SPATA7: variants seen among roughly 807,000 people sequenced by gnomAD.
SPATA7 encodes spermatogenesis-associated protein 7.
Under a neutral mutation model 51.8 loss-of-function variants are expected in SPATA7, and 43 were observed. The ratio of observed to expected loss-of-function variants is 0.83; its 90% CI spans 0.65 to 1.07. The LOEUF (loss-of-function observed/expected upper bound fraction) is 1.07. Among genes scored for constraint, SPATA7 ranks in the 50% least tolerant of loss-of-function variants. The probability of loss-of-function intolerance (pLI) is 0.00; values close to 1 mark genes in which losing one functional copy is unlikely to be tolerated. For missense variants in SPATA7, 683 were observed against 701.3 expected (o/e 0.97, Z 0.30); for synonymous variants, 230 against 252.8 (o/e 0.91, Z 0.86).
At chr14:88,387,084 A>G (rs550829552) in intron 1 of SPATA7, among the ~76,000 whole-genome samples, 1 of 152,370 alleles carries the variant, frequency 6.6e-6, no homozygotes, top group East Asian at 1.9e-4. Flanking sequence ...TAGTGAAGAA[A>G]CTAAAGCAAA....
At chr14:88,433,959 C>G (rs1476906359) in intron 10 of SPATA7, among the ~76,000 whole-genome samples, 1 of 151,992 alleles carries the variant, frequency 6.6e-6, no homozygotes, top group Non-Finnish European at 1.5e-5. Context: ...TCTGTTGACC[C>G]CTTTCATTTT....
intron 4 of SPATA7, chr14:88,415,904 G>A (rs572643996): frequency 3.3e-5 from 5 of 152,330 alleles, no homozygotes; most frequent in African/African-American, 1.2e-4. Context: ...TCTCATGAAT[G>A]GCTTAGCGCC....
chr14:88,422,003 GA>G (rs2076659793), intron 5 of SPATA7, among the ~76,000 whole-genome samples: 1 of 151,714 alleles, frequency 6.6e-6, no homozygotes, highest in African/African-American at 2.4e-5. Context: ...TGGATGATGT[GA>G]AGAGTAAGAA....
intron 1 of SPATA7, 113 bp from the exon 2 acceptor site, chr14:88,391,268 G>C: frequency 1.0e-6 from 1 of 960,210 alleles, no homozygotes; most frequent in Non-Finnish European, 1.6e-6. Flanking sequence ...CACCTTTTAG[G>C]AAAGAAATTA....
At chr14:88,466,216 T>C (rs1376560764) in intron 4 of SPATA7, 1 of 152,210 alleles carries the variant, frequency 6.6e-6, no homozygotes, top group Non-Finnish European at 1.5e-5. Context: ...AAAAAGAATT[T>C]TGTATTTACA....
chr14:88,408,699 A>G (rs1157001220), intron 4 of SPATA7, among the ~76,000 whole-genome samples: 1 of 152,108 alleles, frequency 6.6e-6, no homozygotes, highest in East Asian at 1.9e-4. Flanking sequence ...TTTCAAAGGG[A>G]ATGCTTCCAG....
intron 1 of SPATA7, among the ~76,000 whole-genome samples, chr14:88,390,223 A>G (rs1308691296): frequency 2.0e-5 from 3 of 152,154 alleles, no homozygotes; most frequent in African/African-American, 4.8e-5. Flanking sequence ...AAATGAAGAA[A>G]TCAACTCATA....
intron 4 of SPATA7, among the ~76,000 whole-genome samples, chr14:88,409,170 G>A (rs2076273465): frequency 6.6e-6 from 1 of 152,110 alleles, no homozygotes; most frequent in Admixed American, 6.6e-5. Flanking sequence ...CAAAAGGAAT[G>A]GTACCAGCTC....
intron 3 of SPATA7, among the ~76,000 whole-genome samples, chr14:88,447,519 C>G (rs1202073017): frequency 6.6e-6 from 1 of 151,694 alleles, no homozygotes; most frequent in Non-Finnish European, 1.5e-5. Context: ...GAATTTGATC[C>G]TGTCATTATG....
At chr14:88,391,886 A>G (rs376698) in intron 2 of SPATA7, 93,081 of 166,296 alleles carry the variant, frequency 0.56, 28,572 homozygotes, top group Admixed American at 0.7. Context: ...CTGGATTTCT[A>G]GGTGCTGTGA....
chr14:88,466,349 C>T (rs1224677311), intron 4 of SPATA7: 1 of 152,070 alleles, frequency 6.6e-6, no homozygotes, highest in Non-Finnish European at 1.5e-5. Flanking sequence ...TTAATATCTT[C>T]TGAGTTTTCC....
intron 4 of SPATA7, among the ~76,000 whole-genome samples, chr14:88,401,270 C>G (rs548100912): frequency 6.6e-6 from 1 of 152,292 alleles, no homozygotes; most frequent in Admixed American, 6.5e-5. Flanking sequence ...TCAATACATG[C>G]AGAAAAACCA....
At chr14:88,401,066 A>G (rs906729917) in intron 4 of SPATA7, among the ~76,000 whole-genome samples, 6 of 152,202 alleles carry the variant, frequency 3.9e-5, no homozygotes, top group African/African-American at 1.2e-4. Context: ...ACAGGCCAAT[A>G]TATCTGATTG....
chr14:88,457,449 T>G (rs2077291333), downstream of SPATA7, among the ~76,000 whole-genome samples: 1 of 152,220 alleles, frequency 6.6e-6, no homozygotes, highest in South Asian at 2.1e-4. Flanking sequence ...ACATCCCTTG[T>G]AAGTTGGATT....
At chr14:88,401,366 T>C (rs1456527725) in intron 4 of SPATA7, among the ~76,000 whole-genome samples, 1 of 152,204 alleles carries the variant, frequency 6.6e-6, no homozygotes, top group Non-Finnish European at 1.5e-5. Context: ...ATGAAAGCTA[T>C]ATATGAAAAT....
Position 88,393,423 on chromosome 14 carries a change from T to G in SPATA7, c.125T>G (p.Leu42Arg), listed in dbSNP as rs930045582. The change falls in exon 3 of 12, where the codon CTA becomes CGA. Residue 42 changes from leucine (L) to arginine (R), a missense_variant. Transcript: ENST00000393545. ...AFCTDSSSLRLSTLQLVKNHM... is the reference protein window; with the variant it reads ...AFCTDSSSLRRSTLQLVKNHM... ...TGCACTGACTCCTCTTCTCTCAGAC[T>G]AAGCACTCTCCAGCTGGTCAAGAAT... 1.2e-6 allele frequency: 2 copies of G among 1,604,300 alleles called. No homozygotes were observed. Among genetic ancestry groups the G allele is most frequent in the South Asian group, 2.2e-5 (2 of 89,380 alleles).
intron 4 of SPATA7, among the ~76,000 whole-genome samples, chr14:88,462,356 C>T (rs1009087944): frequency 1.3e-5 from 2 of 152,170 alleles, no homozygotes; most frequent in African/African-American, 2.4e-5. Context: ...GTCTCATCAA[C>T]CTACTAAAAA....
Position 88,437,946 on chromosome 14 carries a change from GA to G in SPATA7, c.1328del (p.Lys443ArgfsTer10). The G allele has an allele frequency of 6.2e-7, 1 of 1,613,908 alleles. No individual in the cohort carries two copies. The highest frequency in any genetic ancestry group is 8.5e-7 in the Non-Finnish European group (1 of 1,179,952). Reference protein sequence around the residue: ...DVDMLNVFDFEKAGNSEPNEL... With the variant: ...DVDMLNVFDFXKAGNSEPNEL... The stretch of plus-strand genomic sequence containing the variant: ...TGATATGTTGAATGTATTTGATTTT[GA>G]AAAGGCTGGGAATTCAGAACCAAAT... On this transcript the variant is annotated frameshift_variant, in exon 12 of 12. Coordinates refer to ENST00000393545, the MANE Select transcript of SPATA7 (RefSeq NM_018418.5). LOFTEE classifies it low-confidence loss of function (END_TRUNC).
At chr14:88,400,841 A>C (rs1566755337) in intron 4 of SPATA7, among the ~76,000 whole-genome samples, 4 of 152,178 alleles carry the variant, frequency 2.6e-5, no homozygotes. Context: ...TCTCAAAAAA[A>C]TAAAATTAAA....
Sources: gnomAD v4.1 joint callset for allele counts (sites outside exome capture counted in the v4.1 genomes callset) on GRCh38, gnomAD v4.1.1 for gene constraint, MANE v1.5 for transcripts, NCBI Gene and HGNC (gene_info 2026-07-23, HGNC 2026-07-21) for gene names.